The following LDLRAD1 variants were observed in gnomAD, a reference collection of about 807,000 sequenced individuals.
The protein encoded by LDLRAD1 is low-density lipoprotein receptor class A domain-containing protein 1.
In LDLRAD1, 17 loss-of-function variants were observed where a neutral mutation model predicts 24.8. The observed-to-expected ratio is 0.69, with a 90% CI of 0.47 to 1.03. The LOEUF (loss-of-function observed/expected upper bound fraction) is 1.03. Ranked by LOEUF, LDLRAD1 falls within the 50% of genes least tolerant of loss-of-function variation. The probability of loss-of-function intolerance (pLI) is 0.00; values close to 1 mark genes in which losing one functional copy is unlikely to be tolerated. For synonymous variants in LDLRAD1, 103 were observed against 108.2 expected (o/e 0.95, Z 0.30); for missense variants, 277 against 271.0 (o/e 1.02, Z -0.16).
chr1:54,014,399 T>C, intron 2 of LDLRAD1, 35 bp from the exon 3 acceptor site: 6 of 1,448,854 alleles, frequency 4.1e-6, no homozygotes, highest in Non-Finnish European at 5.6e-6. Flanking sequence ...GGGGTGGTGG[T>C]GATAGGGGGC....
intron 2 of LDLRAD1, among the ~76,000 whole-genome samples, chr1:54,015,132 G>A (rs1434612108): frequency 1.3e-5 from 2 of 152,096 alleles, no homozygotes; most frequent in Non-Finnish European, 2.9e-5. Flanking sequence ...TAGAGATAGG[G>A]TCTGGCTCTG....
chr1:54,017,699 T>C (rs1456763973), intron 1 of LDLRAD1, among the ~76,000 whole-genome samples: 1 of 152,082 alleles, frequency 6.6e-6, no homozygotes, highest in Non-Finnish European at 1.5e-5. Flanking sequence ...CAGCGACTCC[T>C]GGGTGAGGCT....
chr1:54,012,010 G>A (rs745321137), intron 4 of LDLRAD1, 133 bp downstream of exon 4: 2 of 1,042,638 alleles, frequency 1.9e-6, no homozygotes, highest in Non-Finnish European at 2.8e-6. Flanking sequence ...GTCGGGGCAG[G>A]TGTTCCTGGA....
rs1293884806 is a variant in LDLRAD1, at chr1:54,015,654, G to T, written c.74-1290C>A. Among the ~76,000 whole-genome samples, 55 of 127,062 alleles carry T rather than the reference G, an allele frequency of 4.3e-4. 5 individuals are homozygous for T. Among genetic ancestry groups the T allele is most frequent in the African/African-American group, 9.4e-4 (34 of 36,006 alleles). 83.4% of individuals were successfully genotyped at this position (127,062 alleles called of 152,430 possible). The stretch of plus-strand genomic sequence containing the variant: ...CGTGGTGGGGGCTTTTGTTTTTTTT[G>T]TTTTTTTTGTTTTTTTTTTGAGGCG... On this transcript the variant is annotated intron_variant, in intron 2 of 5. Coordinates refer to ENST00000371360, the MANE Select transcript of LDLRAD1 (RefSeq NM_001010978.4).
chr1:54,012,280 C>T lies in LDLRAD1; in HGVS notation c.203G>A (p.Gly68Glu). The change falls in exon 4 of 6, where the codon GGA becomes GAA. Residue 68 changes from glycine (G) to glutamate (E), a missense_variant and splice_region_variant. Coordinates refer to ENST00000371360, the MANE Select transcript of LDLRAD1 (RefSeq NM_001010978.4). ...TGTCAGTGTTATACAAGCTTGGGCT[C>T]CTGAATGGGCAGGGAAAGGCCCTGG... The part of the protein sequence containing the change: ...TILGLPSCTP[G>E]AQACITLTNR... 1 of 1,614,058 alleles carries T rather than the reference C, an allele frequency of 6.2e-7. No individual in the cohort carries two copies. Among genetic ancestry groups the T allele is most frequent in the Middle Eastern group, 1.7e-4 (1 of 6,058 alleles).
chr1:54,018,113 G>A lies in LDLRAD1; in HGVS notation c.-1C>T, dbSNP rs1206139437. ...TCACCTGGGGGAAGACCTTGTTCAT[G>A]TCTTCGGTTTCCTGCTGCCCGACTG... On this transcript the variant is annotated 5_prime_UTR_variant, in exon 1 of 6. Coordinates refer to ENST00000371360, the MANE Select transcript of LDLRAD1 (RefSeq NM_001010978.4). 4 of 1,613,740 alleles carry A rather than the reference G, an allele frequency of 2.5e-6. No homozygotes were observed. The highest frequency in any genetic ancestry group is 2.7e-5 in the African/African-American group (2 of 74,918).
At position 54,012,293 on chromosome 1, in the gene LDLRAD1, G is replaced by T; in HGVS notation, c.203-13C>A. On this transcript the variant is annotated splice_polypyrimidine_tract_variant and intron_variant, in intron 3 of 5. Coordinates refer to ENST00000371360, the MANE Select transcript of LDLRAD1 (RefSeq NM_001010978.4). ...CAAGCTTGGGCTCCTGAATGGGCAGGGAAAGGCCCTGGAGGGTCAAGGGTG... is the reference window on the plus strand; with the variant it reads ...CAAGCTTGGGCTCCTGAATGGGCAGTGAAAGGCCCTGGAGGGTCAAGGGTG... 6.2e-7 allele frequency: 1 copy of T among 1,613,988 alleles called. No individual in the cohort carries two copies. Among genetic ancestry groups the T allele is most frequent in the East Asian group, 2.2e-5 (1 of 44,888 alleles).
Position 54,010,139 on chromosome 1 carries a change from T to C in LDLRAD1, c.469+143A>G, listed in dbSNP as rs996433966. ...TGGTAGTGAGTACCCCATCACAGGA[T>C]GTATTCAAGCAGGGGTAGAAAACTC... On this transcript the variant is annotated intron_variant, in intron 5 of 5. Coordinates refer to ENST00000371360, the MANE Select transcript of LDLRAD1 (RefSeq NM_001010978.4). The C allele has an allele frequency of 1.2e-4, 104 of 847,954 alleles. 1 individual carries two copies. Among genetic ancestry groups the C allele is most frequent in the East Asian group, 5.3e-5 (2 of 37,584 alleles). 52.5% of individuals were successfully genotyped at this position (847,954 alleles called of 1,614,324 possible).
intron 2 of LDLRAD1, 138 bp from the exon 3 acceptor site, chr1:54,014,502 G>C: frequency 1.2e-6 from 1 of 814,290 alleles, no homozygotes; most frequent in Non-Finnish European, 1.9e-6. Flanking sequence ...GGCTTCCCTG[G>C]AGGAGCAGCT....
chr1:54,011,870 A>G (rs1343842773), intron 4 of LDLRAD1, among the ~76,000 whole-genome samples: 1 of 152,206 alleles, frequency 6.6e-6, no homozygotes, highest in Admixed American at 6.5e-5. Context: ...GAGTCAGGGA[A>G]GGCTTCCTGG....
rs1272398816 is a variant in LDLRAD1, at chr1:54,010,502, G to A, written c.341-92C>T. On this transcript the variant is annotated intron_variant, in intron 4 of 5. Coordinates refer to ENST00000371360, the MANE Select transcript of LDLRAD1 (RefSeq NM_001010978.4). ...AGGAGGATTGACCACCCTGGCAGTG[G>A]CCAAACTCAGGATCAGTGCCCATCC... 6 of 1,341,168 alleles carry A rather than the reference G, an allele frequency of 4.5e-6. No homozygotes were observed. In the East Asian group the frequency reaches 1.2e-4, roughly 27 times the overall value. 83.1% of individuals were successfully genotyped at this position (1,341,168 alleles called of 1,614,324 possible). A position where few individuals can be genotyped will look rare whatever the true frequency, so the allele number is the denominator to read the frequency against.
intron 2 of LDLRAD1, 105 bp from the exon 3 acceptor site, chr1:54,014,469 A>G (rs1656212786): frequency 8.8e-7 from 1 of 1,134,478 alleles, no homozygotes; most frequent in Non-Finnish European, 1.3e-6. Flanking sequence ...CCTCTCCCCC[A>G]CGAGGGTGAG....
At chr1:54,011,860 G>A (rs1015814899) in intron 4 of LDLRAD1, among the ~76,000 whole-genome samples, 5 of 152,232 alleles carry the variant, frequency 3.3e-5, no homozygotes, top group African/African-American at 1.2e-4. Context: ...CCTAGTGTGG[G>A]AGTCAGGGAA....
chr1:54,016,766 T>C (rs1048648381), intron 2 of LDLRAD1, among the ~76,000 whole-genome samples: 2 of 152,194 alleles, frequency 1.3e-5, no homozygotes, highest in African/African-American at 4.8e-5. Context: ...AGGGCCCCTG[T>C]CTCAGAGCTG....
intron 5 of LDLRAD1, 149 bp downstream of exon 5, chr1:54,010,133 A>T: frequency 1.2e-6 from 1 of 821,544 alleles, no homozygotes; most frequent in Non-Finnish European, 1.9e-6. Flanking sequence ...GTACCCCATC[A>T]CAGGATGTAT....
At chr1:54,017,246 A>G in intron 2 of LDLRAD1, 130 bp downstream of exon 2, 1 of 711,842 alleles carries the variant, frequency 1.4e-6, no homozygotes, top group Admixed American at 2.6e-5. Flanking sequence ...CTGGGAGCAG[A>G]CAACGTTAAC....
chr1:54,009,467 A>G (rs561711853), intron 5 of LDLRAD1, among the ~76,000 whole-genome samples: 33 of 152,126 alleles, frequency 2.2e-4, no homozygotes, highest in Non-Finnish European at 3.4e-4. Flanking sequence ...CTCACCTGCC[A>G]TGACTGCCTG....
Position 54,008,882 on chromosome 1 carries a change from AAAGG to A in LDLRAD1, c.*96_*99del. On this transcript the variant is annotated 3_prime_UTR_variant, in exon 6 of 6. Coordinates refer to ENST00000371360, the MANE Select transcript of LDLRAD1 (RefSeq NM_001010978.4). Reference sequence around the variant, plus strand: ...AGAAATGATGTGTAGATCCCATTTCAAAGGCTGCTTCCTGCCCTTGTGCGCTAGG... The same window carrying A: ...AGAAATGATGTGTAGATCCCATTTCACTGCTTCCTGCCCTTGTGCGCTAGG... 1.0e-6 allele frequency: 1 copy of A among 981,906 alleles called. No individual in the cohort carries two copies. The highest frequency in any genetic ancestry group is 2.7e-5 in the South Asian group (1 of 37,400). The allele number at this position is 981,906 out of a possible 1,614,324, so 60.8% of individuals were successfully genotyped here.
chr1:54,008,966 G>T lies in LDLRAD1; in HGVS notation c.*16C>A. ...GCCATTCCAGCCAGCCTTCCATGCT[G>T]GCCTGAGTGGCCCACTCAGGGTCCG... On this transcript the variant is annotated 3_prime_UTR_variant, in exon 6 of 6. Coordinates refer to ENST00000371360, the MANE Select transcript of LDLRAD1 (RefSeq NM_001010978.4). 6.2e-7 allele frequency: 1 copy of T among 1,604,288 alleles called. No individual in the cohort carries two copies. Among genetic ancestry groups the T allele is most frequent in the Non-Finnish European group, 8.5e-7 (1 of 1,173,172 alleles).
Sources: gnomAD v4.1 joint callset for allele counts (sites outside exome capture counted in the v4.1 genomes callset) on GRCh38, gnomAD v4.1.1 for gene constraint, MANE v1.5 for transcripts, NCBI Gene and HGNC (gene_info 2026-07-23, HGNC 2026-07-21) for gene names.